The following VWA8 variants were observed in gnomAD, a reference collection of about 807,000 sequenced individuals.
VWA8 encodes the protein von Willebrand factor A domain containing 8.
In VWA8, 221 loss-of-function variants were observed where a neutral mutation model predicts 241.5. The observed-to-expected ratio is 0.91, with a 90% CI of 0.82 to 1.02. VWA8 has a LOEUF of 1.02. VWA8 is among the 50% of genes least tolerant of loss of function. The probability of loss-of-function intolerance (pLI) is 0.00; values close to 1 mark genes in which losing one functional copy is unlikely to be tolerated. For synonymous variants in VWA8, 852 were observed against 827.1 expected (o/e 1.03, Z -0.52); for missense variants, 2,322 against 2,328.7 (o/e 1.00, Z 0.06).
intron 26 of VWA8, among the ~76,000 whole-genome samples, chr13:41,707,447 GA>G (rs1176872486): frequency 6.6e-6 from 1 of 152,176 alleles, no homozygotes; most frequent in African/African-American, 2.4e-5. Context: ...CTTACCACAA[GA>G]ACTACTAATT....
chr13:41,601,757 G>A (rs187804920), intron 40 of VWA8, among the ~76,000 whole-genome samples: 90 of 152,158 alleles, frequency 5.9e-4, no homozygotes, highest in Admixed American at 2.9e-3. Flanking sequence ...TATCTTAATC[G>A]AGAGGAAAGA....
chr13:41,619,197 C>G (rs373949928), intron 37 of VWA8, among the ~76,000 whole-genome samples: 6 of 152,220 alleles, frequency 3.9e-5, no homozygotes, highest in African/African-American at 1.4e-4. Flanking sequence ...CCCTTGTAAG[C>G]TGGATTCCCA....
intron 17 of VWA8, among the ~76,000 whole-genome samples, chr13:41,794,106 T>C (rs1869579967): frequency 6.6e-6 from 1 of 152,082 alleles, no homozygotes; most frequent in Non-Finnish European, 1.5e-5. Context: ...CTTAAGATTG[T>C]CTTGGCTATA....
intron 37 of VWA8, among the ~76,000 whole-genome samples, chr13:41,627,137 C>A (rs9594593): frequency 6.6e-6 from 1 of 151,944 alleles, no homozygotes; most frequent in African/African-American, 2.4e-5. Flanking sequence ...AAGATGTACA[C>A]GTGGCCAAAA....
intron 20 of VWA8, among the ~76,000 whole-genome samples, chr13:41,766,955 G>C (rs879257993): frequency 1.2e-4 from 19 of 152,104 alleles, no homozygotes; most frequent in Admixed American, 1.2e-3. Flanking sequence ...GGTTCAGAAG[G>C]GAGAACAGTG....
chr13:41,713,024 C>A (rs1166984778), intron 26 of VWA8, among the ~76,000 whole-genome samples: 1 of 152,156 alleles, frequency 6.6e-6, no homozygotes, highest in South Asian at 2.1e-4. Context: ...GTAGGTTTAA[C>A]TTCTGGTTAA....
chr13:41,852,802 T>G (rs1000593934), intron 12 of VWA8, among the ~76,000 whole-genome samples: 1 of 152,198 alleles, frequency 6.6e-6, no homozygotes, highest in Non-Finnish European at 1.5e-5. Context: ...TCTATTCTGG[T>G]TCCATCCATC....
intron 42 of VWA8, among the ~76,000 whole-genome samples, chr13:41,581,385 G>A (rs564558842): frequency 6.6e-6 from 1 of 152,272 alleles, no homozygotes; most frequent in South Asian, 2.1e-4. Context: ...TAATAATCCA[G>A]TACATTACAT....
intron 9 of VWA8, among the ~76,000 whole-genome samples, chr13:41,868,908 G>GA (rs1299121357): frequency 1.7e-4 from 21 of 121,814 alleles, no homozygotes; most frequent in African/African-American, 1.8e-4. Context: ...AAAAAAAAAG[G>GA]AAAAAAAAAA....
chr13:41,590,476 T>C (rs76221891), intron 41 of VWA8, among the ~76,000 whole-genome samples, 164 bp downstream of exon 41: 2,135 of 151,920 alleles, frequency 0.014, 53 homozygotes, highest in African/African-American at 0.048. Context: ...ATAATATTTA[T>C]GGAGTTTTTC....
At chr13:41,763,322 T>C (rs1480865918) in intron 20 of VWA8, among the ~76,000 whole-genome samples, 1 of 146,510 alleles carries the variant, frequency 6.8e-6, no homozygotes, top group Admixed American at 6.7e-5. Context: ...GATAGATAGA[T>C]AGATAGATAG....
At chr13:41,785,994 T>G (rs1475199373) in intron 18 of VWA8, among the ~76,000 whole-genome samples, 1 of 152,152 alleles carries the variant, frequency 6.6e-6, no homozygotes, top group Admixed American at 6.6e-5. Context: ...ATTGTTAAAA[T>G]GTCAACCTCA....
chr13:41,916,611 A>G (rs1454688237), intron 2 of VWA8, among the ~76,000 whole-genome samples: 2 of 152,242 alleles, frequency 1.3e-5, no homozygotes, highest in African/African-American at 4.8e-5. Context: ...AGCGTATTTT[A>G]CCAAAAAGCA....
At chr13:41,821,832 G>A (rs1870972098) in intron 14 of VWA8, among the ~76,000 whole-genome samples, 1 of 152,040 alleles carries the variant, frequency 6.6e-6, no homozygotes, top group South Asian at 2.1e-4. Context: ...CCAGTAAAAA[G>A]GAACAAACTA....
intron 44 of VWA8, among the ~76,000 whole-genome samples, chr13:41,568,990 C>CTAAT (rs1422561477): frequency 2.0e-5 from 3 of 150,924 alleles, no homozygotes; most frequent in Non-Finnish European, 2.9e-5. Context: ...TTTTTAAATA[C>CTAAT]TAATTTATAA....
chr13:41,587,491 A>C lies in VWA8; in HGVS notation c.5271+21T>G, dbSNP rs1196021655. ...ATCATGGTCAATGATGCCTCTCATT[A>C]TTCTTAGTTCATGTCATTACCTGGA... is the stretch of plus-strand genomic sequence containing the variant. On this transcript the variant is annotated intron_variant, in intron 42 of 44. Transcript: ENST00000379310. The C allele has an allele frequency of 1.9e-5, 31 of 1,613,626 alleles. 1 individual carries two copies. Among genetic ancestry groups the C allele is most frequent in the Non-Finnish European group, 2.5e-5 (30 of 1,179,790 alleles).
intron 38 of VWA8, among the ~76,000 whole-genome samples, chr13:41,614,279 T>G (rs1461916585): frequency 2.0e-5 from 3 of 152,208 alleles, no homozygotes. Context: ...ACAGAGCTCC[T>G]GCCAGCACTC....
chr13:41,878,683 A>C (rs923324995), intron 9 of VWA8, among the ~76,000 whole-genome samples: 1 of 152,096 alleles, frequency 6.6e-6, no homozygotes, highest in African/African-American at 2.4e-5. Context: ...AACACTCTAC[A>C]TTCAAATTTG....
rs779519552 is a variant in VWA8 at position 41,585,474 on chromosome 13, G to T, written c.5271+2038C>A. ...TCAGAGCAGCTCTGCCCTCAAAAAC[G>T]TAGAAATCCTATTTCTAACAGGAGA... On this transcript the variant is annotated intron_variant, in intron 42 of 44. Transcript: ENST00000379310. Among the ~76,000 whole-genome samples the T allele has an allele frequency of 2.0e-5, 3 of 152,128 alleles. No homozygotes were observed. In the East Asian group the frequency reaches 5.8e-4, roughly 29 times the overall value.
Sources: allele counts gnomAD v4.1 joint callset (sites outside exome capture counted in the v4.1 genomes callset), GRCh38; gene constraint gnomAD v4.1.1; transcripts MANE v1.5; gene names NCBI Gene and HGNC (gene_info 2026-07-23, HGNC 2026-07-21).